YIPF4: variants seen among roughly 807,000 people sequenced by gnomAD.
YIPF4 encodes protein YIPF4.
In YIPF4, 18 loss-of-function variants were observed where a neutral mutation model predicts 29.4. That is an observed-to-expected ratio of 0.61 (90% CI 0.42 to 0.91). The LOEUF (loss-of-function observed/expected upper bound fraction) is 0.91. YIPF4 is among the 40% of genes least tolerant of loss of function. The pLI is 0.00. For synonymous variants in YIPF4, 115 were observed against 104.7 expected, an observed-to-expected ratio of 1.10 and a Z score of -0.60; for missense variants, 279 against 282.7, an observed-to-expected ratio of 0.99 and a Z score of 0.09.
At chr2:32,295,104 T>C (rs1251695056) in intron 3 of YIPF4, among the ~76,000 whole-genome samples, 1 of 152,216 alleles carries the variant, frequency 6.6e-6, no homozygotes, top group East Asian at 1.9e-4. Context: ...GACTCATAAT[T>C]CTGTTCTTAA....
intron 3 of YIPF4, among the ~76,000 whole-genome samples, chr2:32,294,668 G>A (rs1008889337): frequency 4.6e-5 from 7 of 152,268 alleles, no homozygotes; most frequent in East Asian, 1.9e-4. Context: ...ACGGGGTGGC[G>A]GCCGGGCAGA....
At position 32,309,150 on chromosome 2, in the gene YIPF4, G is replaced by A. The variant is rs1255599911; in HGVS notation, c.*3524G>A. On this transcript the variant is annotated 3_prime_UTR_variant, in exon 6 of 6. Transcript: ENST00000238831. Reference sequence around the variant, plus strand: ...AAAACCTTATTTCTAAGGTCTGTAAGACAGTTTTATATGTAATAATGTGTC... The same window carrying A: ...AAAACCTTATTTCTAAGGTCTGTAAAACAGTTTTATATGTAATAATGTGTC... 1.3e-5 allele frequency: 2 copies of A among 151,980 alleles called. No homozygotes were observed. Among genetic ancestry groups the A allele is most frequent in the African/African-American group, 4.8e-5 (2 of 41,368 alleles). 9.4% of individuals were successfully genotyped at this position (151,980 alleles called of 1,614,324 possible). A position where few individuals can be genotyped will look rare whatever the true frequency, so the allele number is the denominator to read the frequency against.
In YIPF4 at chr2:32,287,659, A is replaced by T. The variant is rs142628879; in HGVS notation, c.80-2824A>T. The stretch of plus-strand genomic sequence containing the variant: ...GATTCAGAGAAAGGACCCCATACCC[A>T]GTCATACATTTGAGTTGAAAGGGAA... On this transcript the variant is annotated intron_variant, in intron 1 of 5. Transcript: ENST00000238831. 5.9e-3 allele frequency among the ~76,000 whole-genome samples: 898 copies of T among 152,306 alleles called. 11 individuals are homozygous for T. The highest frequency in any genetic ancestry group is 0.021 in the African/African-American group (865 of 41,570).
At chr2:32,291,325 A>G (rs914676094) in intron 2 of YIPF4, among the ~76,000 whole-genome samples, 14 of 152,256 alleles carry the variant, frequency 9.2e-5, no homozygotes, top group African/African-American at 3.4e-4. Context: ...ACTTGAGATT[A>G]GAAGTTCAAG....
intron 3 of YIPF4, among the ~76,000 whole-genome samples, chr2:32,293,399 G>A (rs1163691922): frequency 6.6e-6 from 1 of 152,216 alleles, no homozygotes; most frequent in Non-Finnish European, 1.5e-5. Flanking sequence ...GAGAGCACAG[G>A]TTTGGGGGTA....
At position 32,306,291 on chromosome 2, in the gene YIPF4, T is replaced by G. The variant is rs1265869140; in HGVS notation, c.*665T>G. ...CTGATTTTTAATAGTTGCTGATATA[T>G]ATTTGGTTTGTTTGGGTATACTTTT... is the stretch of plus-strand genomic sequence containing the variant. On this transcript the variant is annotated 3_prime_UTR_variant, in exon 6 of 6. Coordinates refer to ENST00000238831, the MANE Select transcript of YIPF4 (RefSeq NM_032312.4). 1 of 982,788 alleles carries G rather than the reference T, an allele frequency of 1.0e-6. No individual in the cohort carries two copies. Among genetic ancestry groups the G allele is most frequent in the African/African-American group, 1.7e-5 (1 of 57,188 alleles). 60.9% of individuals were successfully genotyped at this position (982,788 alleles called of 1,614,324 possible). A position where few individuals can be genotyped will look rare whatever the true frequency, so the allele number is the denominator to read the frequency against.
rs188101894 is a variant in YIPF4, at chr2:32,294,092, G to A, written c.405+1744G>A. On this transcript the variant is annotated intron_variant, in intron 3 of 5. Transcript: ENST00000238831. The stretch of plus-strand genomic sequence containing the variant: ...TGGGCAGAGGCGCCCCTCACCTCCC[G>A]GACAGGGTGGCTGGCCAGGCGGGAC... Among the ~76,000 whole-genome samples the A allele has an allele frequency of 5.9e-3, 852 of 144,030 alleles. 8 individuals carry two copies. Among genetic ancestry groups the A allele is most frequent in the African/African-American group, 0.021 (802 of 38,418 alleles). 94.5% of individuals were successfully genotyped at this position (144,030 alleles called of 152,430 possible).
In YIPF4 at chr2:32,292,217, A is replaced by C. The variant is rs776480130; in HGVS notation, c.274A>C (p.Ile92Leu). 1 of 1,590,200 alleles carries C rather than the reference A, an allele frequency of 6.3e-7. No homozygotes were observed. The highest frequency in any genetic ancestry group is 2.2e-5 in the East Asian group (1 of 44,524). Residue 92 changes from isoleucine (I) to leucine (L), a missense_variant, in exon 3 of 6, where the codon ATC (isoleucine) becomes CTC (leucine). Physicochemically the swap from Ile to Leu is conservative, Grantham distance 5. Coordinates refer to ENST00000238831, the MANE Select transcript of YIPF4 (RefSeq NM_032312.4). ...DIDLKDIYYK[I>L]RCVLMPMPSL... ...TGATCTAAAGGATATTTACTACAAA[A>C]TCCGATGTGTTTTGATGCCAATGCC...
chr2:32,282,430 TTTTTG>T lies in YIPF4; in HGVS notation c.79+4211_79+4215del, dbSNP rs796105705. Among the ~76,000 whole-genome samples the T allele has an allele frequency of 7.9e-5, 12 of 152,310 alleles. 1 individual carries two copies. Among genetic ancestry groups the T allele is most frequent in the African/African-American group, 2.9e-4 (12 of 41,564 alleles). On this transcript the variant is annotated intron_variant, in intron 1 of 5. Transcript: ENST00000238831. ...GTGATCTTGGGCAAGCTACTTACCT[TTTTTG>T]TTTTGTTTTGTTTTTGAGACGGAGT...
rs185678233 is a variant in YIPF4 at position 32,305,915 on chromosome 2, C to G, written c.*289C>G. On this transcript the variant is annotated 3_prime_UTR_variant, in exon 6 of 6. Coordinates refer to ENST00000238831, the MANE Select transcript of YIPF4 (RefSeq NM_032312.4). ...GATTGTGTCGATATTCACCTAAAAACTTGTGCCAAAAGCACCTGGATTGGT... is the reference window on the plus strand; with the variant it reads ...GATTGTGTCGATATTCACCTAAAAAGTTGTGCCAAAAGCACCTGGATTGGT... 15 of 1,033,040 alleles carry G rather than the reference C, an allele frequency of 1.5e-5. No individual in the cohort carries two copies. Among genetic ancestry groups the G allele is most frequent in the Non-Finnish European group, 1.7e-5 (15 of 861,958 alleles). 64.0% of individuals were successfully genotyped at this position (1,033,040 alleles called of 1,614,324 possible). A position where few individuals can be genotyped will look rare whatever the true frequency, so the allele number is the denominator to read the frequency against.
chr2:32,301,112 G>A (rs912005400), intron 4 of YIPF4, among the ~76,000 whole-genome samples: 45 of 152,176 alleles, frequency 3.0e-4, no homozygotes, highest in African/African-American at 9.9e-4. Context: ...ACTGAAGGTA[G>A]TATGAAACTC....
At position 32,306,669 on chromosome 2, in the gene YIPF4, TAAG is replaced by T. The variant is rs1474889834; in HGVS notation, c.*1046_*1048del. 1.1e-6 allele frequency: 1 copy of T among 902,500 alleles called. No individual in the cohort carries two copies. Among genetic ancestry groups the T allele is most frequent in the African/African-American group, 1.8e-5 (1 of 55,390 alleles). 55.9% of individuals were successfully genotyped at this position (902,500 alleles called of 1,614,324 possible). On this transcript the variant is annotated 3_prime_UTR_variant, in exon 6 of 6. Coordinates refer to ENST00000238831, the MANE Select transcript of YIPF4 (RefSeq NM_032312.4). ...GTACAGTTTTTGCTAAGGGAAATAT[TAAG>T]AAATTTTTATCAGTGAAATATTTGT...
At chr2:32,278,980 A>ATT (rs61561911) in intron 1 of YIPF4, among the ~76,000 whole-genome samples, 55 of 146,716 alleles carry the variant, frequency 3.7e-4, no homozygotes, top group Middle Eastern at 6.9e-3. Flanking sequence ...GTCATTTTCA[A>ATT]TTTTTTTTTT....
In YIPF4 at chr2:32,305,757, C is replaced by T. The variant is rs190166753; in HGVS notation, c.*131C>T. On this transcript the variant is annotated 3_prime_UTR_variant, in exon 6 of 6. Transcript: ENST00000238831. ...TTCCAGATGGAAAGGGAAGTCTAAG[C>T]GCTTTTTAAAACAATTTTTTTTTGT... is the stretch of plus-strand genomic sequence containing the variant. The T allele has an allele frequency of 1.4e-5, 18 of 1,256,798 alleles. No individual in the cohort carries two copies. The highest frequency in any genetic ancestry group is 3.0e-4 in the Middle Eastern group (1 of 3,312). 77.9% of individuals were successfully genotyped at this position (1,256,798 alleles called of 1,614,324 possible).
intron 1 of YIPF4, among the ~76,000 whole-genome samples, chr2:32,280,672 G>A (rs1004227765): frequency 9.9e-5 from 15 of 151,982 alleles, no homozygotes; most frequent in South Asian, 4.1e-4. Flanking sequence ...GTGAGCCACC[G>A]CGCCCGGCCT....
chr2:32,296,545 T>G (rs2031195209), intron 3 of YIPF4, among the ~76,000 whole-genome samples: 1 of 152,122 alleles, frequency 6.6e-6, no homozygotes, highest in African/African-American at 2.4e-5. Flanking sequence ...TTGGATTTCC[T>G]TGATGTTTTC....
At chr2:32,304,563 A>G (rs1345519769) in intron 5 of YIPF4, among the ~76,000 whole-genome samples, 2 of 152,204 alleles carry the variant, frequency 1.3e-5, no homozygotes, top group African/African-American at 4.8e-5. Context: ...ACATTTGTCA[A>G]CATCTGGAGG....
chr2:32,298,317 T>C lies in YIPF4; in HGVS notation c.483+6T>C, dbSNP rs748437110. ...CCAGAGTTCTTGGTGGAGAAGTAAGTAGTTTATTTTGAAAATAATCTTCCT... is the reference window on the plus strand; with the variant it reads ...CCAGAGTTCTTGGTGGAGAAGTAAGCAGTTTATTTTGAAAATAATCTTCCT... On this transcript the variant is annotated splice_donor_region_variant and intron_variant, in intron 4 of 5. Transcript: ENST00000238831. 1 of 1,592,678 alleles carries C rather than the reference T, an allele frequency of 6.3e-7. No homozygotes were observed. Among genetic ancestry groups the C allele is most frequent in the Non-Finnish European group, 8.6e-7 (1 of 1,162,476 alleles).
At chr2:32,295,083 T>G (rs1454427502) in intron 3 of YIPF4, among the ~76,000 whole-genome samples, 2 of 151,982 alleles carry the variant, frequency 1.3e-5, no homozygotes, top group Non-Finnish European at 2.9e-5. Flanking sequence ...CCATATTTCT[T>G]ACCTTTTATT....
Sources: allele counts gnomAD v4.1 joint callset (sites outside exome capture counted in the v4.1 genomes callset), GRCh38; gene constraint gnomAD v4.1.1; transcripts MANE v1.5; gene names NCBI Gene and HGNC (gene_info 2026-07-23, HGNC 2026-07-21).